The following ATP2B2 variants were observed in gnomAD, a reference collection of about 807,000 sequenced individuals.
ATP2B2 encodes plasma membrane calcium-transporting ATPase 2.
A neutral mutation model predicts 120.0 loss-of-function variants in ATP2B2; 15 were observed. The ratio of observed to expected loss-of-function variants is 0.12; its 90% CI spans 0.08 to 0.19. The LOEUF (loss-of-function observed/expected upper bound fraction) is 0.19, where lower values mean the gene tolerates loss of function less well. Among genes scored for constraint, ATP2B2 ranks in the 10% least tolerant of loss-of-function variants. ATP2B2 has a pLI of 1.00. For missense variants in ATP2B2, 1,045 were observed against 1,719.8 expected (o/e 0.61, Z 6.94); for synonymous variants, 694 against 700.3 (o/e 0.99, Z 0.14).
At position 10,329,180 on chromosome 3, in the gene ATP2B2, G is replaced by A. The variant is rs2059915302; in HGVS notation, c.3421-55C>T. On this transcript the variant is annotated intron_variant, in intron 22 of 22. Coordinates refer to ENST00000360273, the MANE Select transcript of ATP2B2 (RefSeq NM_001001331.4). The surrounding 1 kb of genome is among the most constrained non-coding windows in gnomAD (Gnocchi z 5.9). ...CTGCCCAGGGACCACAGCCAGGCTCGGGGGGCTCACAGGAGGGGCGGGTGG... is the reference window on the plus strand; with the variant it reads ...CTGCCCAGGGACCACAGCCAGGCTCAGGGGGCTCACAGGAGGGGCGGGTGG... 9.1e-6 allele frequency: 14 copies of A among 1,546,100 alleles called. No individual in the cohort carries two copies. The highest frequency in any genetic ancestry group is 1.2e-5 in the Non-Finnish European group (14 of 1,130,470).
intron 1 of ATP2B2, among the ~76,000 whole-genome samples, chr3:10,460,608 A>G (rs1380988507): frequency 6.6e-6 from 1 of 152,176 alleles, no homozygotes; most frequent in Non-Finnish European, 1.5e-5. Flanking sequence ...AGCTGACCCC[A>G]TATTTTAGTG....
At chr3:10,422,618 C>T (rs2063021209) in intron 2 of ATP2B2, among the ~76,000 whole-genome samples, 1 of 152,236 alleles carries the variant, frequency 6.6e-6, no homozygotes, top group African/African-American at 2.4e-5. Flanking sequence ...TCATAGCAGA[C>T]CTGACATCTA....
rs192681816 is a variant in ATP2B2 at position 10,400,542 on chromosome 3, C to A, written c.781+411G>T. Among the ~76,000 whole-genome samples, 308 of 149,710 alleles carry A rather than the reference C, an allele frequency of 2.1e-3. 3 individuals are homozygous for A. Among genetic ancestry groups the A allele is most frequent in the East Asian group, 9.5e-3 (45 of 4,734 alleles). ...ACAAGCTCCTCAGGGCTGGGCCTTC[C>A]CTGCCTCACTCACTGCTGCAGCCTT... On this transcript the variant is annotated intron_variant, in intron 5 of 22. Coordinates refer to ENST00000360273, the MANE Select transcript of ATP2B2 (RefSeq NM_001001331.4).
At chr3:10,486,340 T>TGTG (rs1559398948) in intron 1 of ATP2B2, among the ~76,000 whole-genome samples, 11 of 151,252 alleles carry the variant, frequency 7.3e-5, no homozygotes, top group Non-Finnish European at 1.5e-4. Flanking sequence ...TGTGTGTGTG[T>TGTG]GTGTGTGTGT....
At chr3:10,682,776 T>C (rs761403026) in intron 1 of ATP2B2, among the ~76,000 whole-genome samples, 27 of 152,150 alleles carry the variant, frequency 1.8e-4, no homozygotes, top group Non-Finnish European at 3.1e-4. Flanking sequence ...TTGGTGACCA[T>C]TGGTTAAACA....
At chr3:10,702,981 C>T (rs961829483) in intron 1 of ATP2B2, among the ~76,000 whole-genome samples, 1 of 152,200 alleles carries the variant, frequency 6.6e-6, no homozygotes, top group African/African-American at 2.4e-5. Context: ...CCTCTGGAAG[C>T]CTGATGGAAG....
At chr3:10,653,886 T>A (rs913265523) in intron 1 of ATP2B2, among the ~76,000 whole-genome samples, 55 of 152,238 alleles carry the variant, frequency 3.6e-4, no homozygotes, top group South Asian at 2.1e-4. Flanking sequence ...TTGCCCTTCC[T>A]CTCCTTTCTC....
chr3:10,627,693 T>A (rs776923435), intron 1 of ATP2B2, among the ~76,000 whole-genome samples: 2 of 152,200 alleles, frequency 1.3e-5, no homozygotes, highest in South Asian at 2.1e-4. Context: ...ATCTTCTTCA[T>A]TACGAATTTC....
At chr3:10,623,504 G>A (rs1575568635) in intron 1 of ATP2B2, among the ~76,000 whole-genome samples, 2 of 152,284 alleles carry the variant, frequency 1.3e-5, no homozygotes, top group East Asian at 1.9e-4. Context: ...CAGGGGTGGA[G>A]GTAAGGGATC....
chr3:10,651,154 T>C (rs1252585093), intron 1 of ATP2B2, among the ~76,000 whole-genome samples: 1 of 152,182 alleles, frequency 6.6e-6, no homozygotes, highest in East Asian at 1.9e-4. Flanking sequence ...CTGTGGACTT[T>C]TGAGTTAATG....
intron 1 of ATP2B2, among the ~76,000 whole-genome samples, chr3:10,491,108 A>G (rs2065915529): frequency 6.6e-6 from 1 of 151,658 alleles, no homozygotes; most frequent in African/African-American, 2.4e-5. Context: ...TTGGTTGGGG[A>G]GGGGGCAACA....
intron 1 of ATP2B2, among the ~76,000 whole-genome samples, chr3:10,707,540 T>C (rs1390466921): frequency 6.6e-6 from 1 of 152,120 alleles, no homozygotes; most frequent in East Asian, 1.9e-4. Flanking sequence ...GTCGGAGCCA[T>C]CTGGGAAGAA....
chr3:10,449,224 T>C (rs1399745148), intron 2 of ATP2B2, 121 bp downstream of exon 2: 3 of 1,136,522 alleles, frequency 2.6e-6, no homozygotes, highest in Non-Finnish European at 3.8e-6. Context: ...ATGGCCATTC[T>C]GGCATTTCAG....
intron 1 of ATP2B2, among the ~76,000 whole-genome samples, chr3:10,706,727 TAACTC>T (rs150908552): frequency 0.041 from 6,313 of 152,232 alleles, 175 homozygotes; most frequent in South Asian, 0.13. Context: ...TTAAGAATAT[TAACTC>T]ATTCAGCCAT....
At chr3:10,396,640 C>T (rs191212741) in intron 5 of ATP2B2, among the ~76,000 whole-genome samples, 1 of 152,280 alleles carries the variant, frequency 6.6e-6, no homozygotes, top group East Asian at 1.9e-4. Flanking sequence ...GTTCAGAACA[C>T]TGGGGAAGAA....
At chr3:10,693,790 T>C (rs1320192735) in intron 1 of ATP2B2, among the ~76,000 whole-genome samples, 2 of 152,246 alleles carry the variant, frequency 1.3e-5, no homozygotes, top group African/African-American at 4.8e-5. Context: ...GCACACTGCC[T>C]GGCACATAGT....
intron 2 of ATP2B2, among the ~76,000 whole-genome samples, chr3:10,573,731 G>C (rs978136767): frequency 2.0e-5 from 3 of 152,140 alleles, no homozygotes; most frequent in Non-Finnish European, 2.9e-5. Flanking sequence ...TTACTCTCTG[G>C]GTTCCTATCT....
In ATP2B2 at chr3:10,342,817, A is replaced by G; in HGVS notation, c.2852T>C (p.Met951Thr). 1 of 1,614,124 alleles carries G rather than the reference A, an allele frequency of 6.2e-7. No individual in the cohort carries two copies. Among genetic ancestry groups the G allele is most frequent in the South Asian group, 1.1e-5 (1 of 91,076 alleles). Residue 951 changes from methionine to threonine, a missense_variant, in exon 19 of 23, where the codon ATG becomes ACG. Transcript: ENST00000360273. The surrounding 1 kb of genome is among the most constrained non-coding windows in gnomAD (Gnocchi z 4.4). ...AGCATGGCCCAGGATGTTCTTCATC[A>G]TGGTCCTGGAGATGAGCGGCTTGTT... is the stretch of plus-strand genomic sequence containing the variant. ...GRNKPLISRT[M>T]MKNILGHAVY...
chr3:10,550,479 A>T (rs4518110), intron 2 of ATP2B2, among the ~76,000 whole-genome samples: 71,910 of 151,492 alleles, frequency 0.47, 17,129 homozygotes, highest in South Asian at 0.57. Context: ...AGTTTTTTTT[A>T]CACCCCAGAA....
Sources: gnomAD v4.1 joint callset for allele counts (sites outside exome capture counted in the v4.1 genomes callset) on GRCh38, gnomAD v4.1.1 for gene constraint, Gnocchi (gnomAD v3.1) non-coding constraint, MANE v1.5 for transcripts, NCBI Gene and HGNC (gene_info 2026-07-23, HGNC 2026-07-21) for gene names.